Variants in BANK1 observed in about 807,000 individuals in gnomAD.
BANK1 encodes B cell scaffold protein with ankyrin repeats 1.
In BANK1, 95 loss-of-function variants were observed where a neutral mutation model predicts 94.5. The observed-to-expected ratio is 1.00, with a 90% confidence interval of 0.85 to 1.19. The LOEUF (loss-of-function observed/expected upper bound fraction) is 1.19, where lower values mean the gene tolerates loss of function less well. Ranked by LOEUF, BANK1 falls within the 50% of genes most tolerant of loss-of-function variation. BANK1 has a pLI of 0.00. For synonymous variants in BANK1, 334 were observed against 308.4 expected (o/e 1.08, Z -0.87); for missense variants, 987 against 932.2 (o/e 1.06, Z -0.77).
chr4:101,875,378 A>G (rs918636322), intron 5 of BANK1, among the ~76,000 whole-genome samples: 1 of 152,222 alleles, frequency 6.6e-6, no homozygotes, highest in Non-Finnish European at 1.5e-5. Flanking sequence ...TGGGTAATTT[A>G]TAAAGAAAAG....
intron 7 of BANK1, among the ~76,000 whole-genome samples, chr4:102,018,208 T>C (rs1405355496): frequency 6.6e-6 from 1 of 152,210 alleles, no homozygotes; most frequent in Non-Finnish European, 1.5e-5. Context: ...TCTATTCAAA[T>C]ATTATCTCTA....
intron 7 of BANK1, among the ~76,000 whole-genome samples, chr4:101,949,218 G>T (rs1281793119): frequency 6.6e-6 from 1 of 152,086 alleles, no homozygotes; most frequent in Non-Finnish European, 1.5e-5. Context: ...AGCTAAACAA[G>T]CATATTCTCA....
intron 7 of BANK1, among the ~76,000 whole-genome samples, chr4:101,979,833 A>G (rs1163840447): frequency 6.6e-6 from 1 of 151,888 alleles, no homozygotes; most frequent in African/African-American, 2.4e-5. Flanking sequence ...CTTGGCTATA[A>G]ATTGTCAAAC....
chr4:102,068,021 G>T (rs1728647367), intron 13 of BANK1, among the ~76,000 whole-genome samples: 1 of 151,790 alleles, frequency 6.6e-6, no homozygotes, highest in Admixed American at 6.6e-5. Context: ...AATCAATTAA[G>T]AATTATATAT....
chr4:101,838,052 A>G (rs935782418), intron 2 of BANK1, among the ~76,000 whole-genome samples: 53 of 152,056 alleles, frequency 3.5e-4, no homozygotes, highest in Middle Eastern at 3.4e-3. Context: ...CTCCACCTCC[A>G]GAGTTCAAAT....
chr4:101,983,103 G>A (rs1446762958), intron 7 of BANK1, among the ~76,000 whole-genome samples: 1 of 151,864 alleles, frequency 6.6e-6, no homozygotes, highest in African/African-American at 2.4e-5. Context: ...TTTAGTTTTA[G>A]GTTTGCTTTT....
At chr4:101,938,536 G>A (rs1723646274) in intron 7 of BANK1, among the ~76,000 whole-genome samples, 1 of 151,492 alleles carries the variant, frequency 6.6e-6, no homozygotes. Flanking sequence ...TACAATGCAT[G>A]CCTATATCAA....
chr4:101,879,002 A>G (rs887697240), intron 5 of BANK1, among the ~76,000 whole-genome samples: 1 of 150,104 alleles, frequency 6.7e-6, no homozygotes. Context: ...AAAAAAAAAG[A>G]AAAGAAAAAT....
At chr4:101,986,414 A>G (rs993892606) in intron 7 of BANK1, among the ~76,000 whole-genome samples, 12 of 152,064 alleles carry the variant, frequency 7.9e-5, no homozygotes, top group African/African-American at 2.9e-4. Flanking sequence ...ATGAAATAAC[A>G]TGAATGAAAA....
chr4:102,008,470 G>A (rs940235453), intron 7 of BANK1, among the ~76,000 whole-genome samples: 1 of 152,100 alleles, frequency 6.6e-6, no homozygotes, highest in African/African-American at 2.4e-5. Flanking sequence ...TCTTAGAAAG[G>A]AGTTGTAAAT....
At chr4:102,041,693 A>G (rs1371793918) in intron 10 of BANK1, among the ~76,000 whole-genome samples, 1 of 152,012 alleles carries the variant, frequency 6.6e-6, no homozygotes, top group Non-Finnish European at 1.5e-5. Flanking sequence ...TACCCCACTC[A>G]TAGTATCCTA....
At chr4:101,889,461 G>C (rs377528635) in intron 5 of BANK1, among the ~76,000 whole-genome samples, 1 of 151,424 alleles carries the variant, frequency 6.6e-6, no homozygotes, top group African/African-American at 2.4e-5. Context: ...AGCCGGGCGC[G>C]GTGGCGGGCG....
chr4:101,976,249 G>A (rs997432674), intron 7 of BANK1, among the ~76,000 whole-genome samples: 2 of 152,092 alleles, frequency 1.3e-5, no homozygotes, highest in African/African-American at 4.8e-5. Context: ...ATGCCACAGG[G>A]AAAATCGATA....
At chr4:101,791,037 C>A in intron 1 of BANK1, 87 bp downstream of exon 1, 2 of 1,089,628 alleles carry the variant, frequency 1.8e-6, no homozygotes, top group Non-Finnish European at 1.3e-6. Flanking sequence ...TAGACAACTG[C>A]ACTCGGGCAC....
intron 7 of BANK1, among the ~76,000 whole-genome samples, chr4:101,961,767 C>A (rs1724578163): frequency 1.3e-5 from 2 of 152,004 alleles, no homozygotes; most frequent in African/African-American, 4.8e-5. Flanking sequence ...TAAATACAGC[C>A]CTTTCAGTGC....
intron 7 of BANK1, among the ~76,000 whole-genome samples, chr4:102,016,476 C>T (rs1340398353): frequency 1.3e-5 from 2 of 151,806 alleles, no homozygotes; most frequent in Non-Finnish European, 2.9e-5. Flanking sequence ...TGTCCTATAC[C>T]CCCTCTTCAC....
intron 6 of BANK1, among the ~76,000 whole-genome samples, chr4:101,916,014 T>C (rs1295733760): frequency 6.6e-6 from 1 of 152,094 alleles, no homozygotes; most frequent in Non-Finnish European, 1.5e-5. Flanking sequence ...ATGAAAGGAA[T>C]GAAAATTGTT....
rs903010956 is a variant in BANK1, at chr4:102,073,422, A to C, written c.2299-262A>C. ...ATATTTTGGAGAGGAGATTTTGAAT[A>C]AGAGGAAAAGAATACAAATTCCCAA... On this transcript the variant is annotated intron_variant, in intron 15 of 16. Coordinates refer to ENST00000322953, the MANE Select transcript of BANK1 (RefSeq NM_017935.5). Among the ~76,000 whole-genome samples the C allele has an allele frequency of 3.3e-5, 5 of 152,048 alleles. No homozygotes were observed. The South Asian group carries it at 8.3e-4, about 25-fold the overall frequency.
rs573540314 is a variant in BANK1, at chr4:102,025,065, C to T, written c.1286-136C>T. On this transcript the variant is annotated intron_variant, in intron 8 of 16. Transcript: ENST00000322953. Reference sequence around the variant, plus strand: ...AAATGACTGTTCACTAAAAGTTACACATTTGACAGCTTTTCACTATATCAG... The same window carrying T: ...AAATGACTGTTCACTAAAAGTTACATATTTGACAGCTTTTCACTATATCAG... 1.2e-5 allele frequency: 11 copies of T among 926,554 alleles called. No homozygotes were observed. In the East Asian group the frequency reaches 2.4e-4, roughly 21 times the overall value. 57.4% of individuals were successfully genotyped at this position (926,554 alleles called of 1,614,324 possible). A position where few individuals can be genotyped will look rare whatever the true frequency, so the allele number is the denominator to read the frequency against.
Sources: allele counts gnomAD v4.1 joint callset (sites outside exome capture counted in the v4.1 genomes callset), GRCh38; gene constraint gnomAD v4.1.1; transcripts MANE v1.5; gene names NCBI Gene and HGNC (gene_info 2026-07-23, HGNC 2026-07-21).